MGMT: variants seen among roughly 807,000 people sequenced by gnomAD.
The protein encoded by MGMT is O-6-methylguanine-DNA methyltransferase.
Under a neutral mutation model 15.9 loss-of-function variants are expected in MGMT, and 14 were observed. The observed-to-expected ratio is 0.88, with a 90% CI of 0.58 to 1.37. MGMT has a LOEUF of 1.37. MGMT is among the 40% of genes most tolerant of loss of function. The pLI, the probability that MGMT is intolerant of heterozygous loss-of-function variation, is 0.00. For synonymous variants in MGMT, 130 were observed against 118.2 expected, an observed-to-expected ratio of 1.10 and a Z score of -0.65; for missense variants, 282 against 268.1, an observed-to-expected ratio of 1.05 and a Z score of -0.36.
At chr10:129,643,437 A>G (rs1325308924) in intron 2 of MGMT, among the ~76,000 whole-genome samples, 1 of 152,182 alleles carries the variant, frequency 6.6e-6, no homozygotes, top group Non-Finnish European at 1.5e-5. Flanking sequence ...TCCAGGGGGA[A>G]GGTTCAAAGG....
chr10:129,681,787 G>C (rs1564759518), intron 2 of MGMT, among the ~76,000 whole-genome samples: 1 of 152,088 alleles, frequency 6.6e-6, no homozygotes, highest in Non-Finnish European at 1.5e-5. Flanking sequence ...ATGAAATCCT[G>C]GAGGCACTCA....
intron 2 of MGMT, among the ~76,000 whole-genome samples, chr10:129,645,366 C>G (rs1311321767): frequency 1.3e-5 from 2 of 152,126 alleles, no homozygotes; most frequent in Non-Finnish European, 2.9e-5. Flanking sequence ...AGGTGATCCA[C>G]CCACCTCAGC....
intron 2 of MGMT, among the ~76,000 whole-genome samples, chr10:129,587,074 T>A (rs1846626502): frequency 6.6e-6 from 1 of 152,238 alleles, no homozygotes; most frequent in Non-Finnish European, 1.5e-5. Flanking sequence ...CTGACTTGCA[T>A]TGTTTCGGAC....
chr10:129,541,403 T>C (rs962200921), intron 2 of MGMT, among the ~76,000 whole-genome samples: 1 of 152,242 alleles, frequency 6.6e-6, no homozygotes, highest in African/African-American at 2.4e-5. Context: ...TTCCCGCAGC[T>C]GCAGAGCTCT....
intron 2 of MGMT, among the ~76,000 whole-genome samples, chr10:129,578,890 G>C (rs964401437): frequency 1.3e-5 from 2 of 152,154 alleles, no homozygotes; most frequent in Non-Finnish European, 2.9e-5. Context: ...CCTGGAGTGT[G>C]TATCTCCTAA....
chr10:129,741,323 C>G (rs896645759), intron 3 of MGMT, among the ~76,000 whole-genome samples: 11 of 152,184 alleles, frequency 7.2e-5, no homozygotes, highest in African/African-American at 2.4e-4. Flanking sequence ...TTAACTCTCC[C>G]TAAAAGGTTA....
chr10:129,616,242 C>T (rs950946130), intron 2 of MGMT, among the ~76,000 whole-genome samples: 5 of 152,346 alleles, frequency 3.3e-5, no homozygotes, highest in Middle Eastern at 3.4e-3. Context: ...CACACGCATG[C>T]CACGGTGCTT....
chr10:129,557,139 A>G (rs1211458120), intron 2 of MGMT, among the ~76,000 whole-genome samples: 4 of 152,202 alleles, frequency 2.6e-5, no homozygotes, highest in Non-Finnish European at 5.9e-5. Flanking sequence ...CAAATTACGA[A>G]GCATCTTATC....
intron 2 of MGMT, among the ~76,000 whole-genome samples, chr10:129,560,954 A>AGTGTGTGTGTGTGTGTGTGT (rs57984603): frequency 2.2e-4 from 29 of 133,318 alleles, no homozygotes; most frequent in African/African-American, 3.0e-4. Context: ...AGTAAAGAGC[A>AGTGTGTGTGTGTGTGTGTGT]GTGTGTGTGT....
At chr10:129,469,171 C>G (rs1184702001) in intron 1 of MGMT, among the ~76,000 whole-genome samples, 2 of 152,162 alleles carry the variant, frequency 1.3e-5, no homozygotes, top group Non-Finnish European at 2.9e-5. Flanking sequence ...TGAAAAAGAA[C>G]TTGCCTTCCC....
rs1399251572 is a variant in MGMT at position 129,769,595 on chromosome 10, A to G, written c.*2598A>G. 6.6e-6 allele frequency among the ~76,000 whole-genome samples: 1 copy of G among 151,414 alleles called. No individual in the cohort carries two copies. The highest frequency in any genetic ancestry group is 2.4e-5 in the African/African-American group (1 of 41,166). ...ACCACGCTCCCCTGTTTCCAGAGAG[A>G]TGAGAGAGTCAGAAGTAATACTTGT... On this transcript the variant is annotated 3_prime_UTR_variant, in exon 5 of 5. Transcript: ENST00000651593.
At chr10:129,684,333 G>A (rs1020974693) in intron 2 of MGMT, among the ~76,000 whole-genome samples, 2 of 152,186 alleles carry the variant, frequency 1.3e-5, no homozygotes, top group Non-Finnish European at 2.9e-5. Context: ...TTTGAAATAC[G>A]AATTAGTTCC....
intron 2 of MGMT, among the ~76,000 whole-genome samples, chr10:129,649,374 A>G (rs1847431848): frequency 6.6e-6 from 1 of 152,168 alleles, no homozygotes; most frequent in East Asian, 1.9e-4. Flanking sequence ...AGAAAAAAAA[A>G]TAAGATGGAA....
At chr10:129,721,133 T>C (rs898078239) in intron 3 of MGMT, among the ~76,000 whole-genome samples, 1 of 152,106 alleles carries the variant, frequency 6.6e-6, no homozygotes, top group Admixed American at 6.5e-5. Context: ...TTACGAGGTA[T>C]AAATAATAAA....
intron 1 of MGMT, among the ~76,000 whole-genome samples, chr10:129,535,513 A>G (rs180930899): frequency 6.6e-6 from 1 of 152,348 alleles, no homozygotes; most frequent in East Asian, 1.9e-4. Flanking sequence ...GTGTGCTATC[A>G]TACCCAGCTA....
At chr10:129,501,059 C>T (rs1047563845) in intron 1 of MGMT, among the ~76,000 whole-genome samples, 1 of 152,212 alleles carries the variant, frequency 6.6e-6, no homozygotes, top group East Asian at 1.9e-4. Flanking sequence ...TTCCTGGTGT[C>T]AGAGTCCACT....
intron 3 of MGMT, among the ~76,000 whole-genome samples, chr10:129,732,690 A>C (rs376618828): frequency 6.9e-6 from 1 of 144,484 alleles, no homozygotes; most frequent in African/African-American, 2.5e-5. Flanking sequence ...TATATCTCCC[A>C]ATGCTATCCC....
chr10:129,640,786 T>C (rs945301367), intron 2 of MGMT, among the ~76,000 whole-genome samples: 5 of 152,204 alleles, frequency 3.3e-5, no homozygotes, highest in African/African-American at 1.2e-4. Context: ...TGAGTTTATC[T>C]TATGAATGTA....
At chr10:129,608,255 T>C (rs1478800212) in intron 2 of MGMT, among the ~76,000 whole-genome samples, 1 of 152,192 alleles carries the variant, frequency 6.6e-6, no homozygotes, top group Non-Finnish European at 1.5e-5. Context: ...CACAGAAGAA[T>C]GCGTAGCCCG....
Sources: gnomAD v4.1 joint callset for allele counts (sites outside exome capture counted in the v4.1 genomes callset) on GRCh38, gnomAD v4.1.1 for gene constraint, MANE v1.5 for transcripts, NCBI Gene and HGNC (gene_info 2026-07-23, HGNC 2026-07-21) for gene names.